The following DPYS variants were observed in gnomAD, a reference collection of about 807,000 sequenced individuals.
DPYS encodes dihydropyrimidinase.
Under a neutral mutation model 50.3 loss-of-function variants are expected in DPYS, and 39 were observed. The observed-to-expected ratio is 0.78, with a 90% CI of 0.60 to 1.01. The LOEUF (loss-of-function observed/expected upper bound fraction) is 1.01. Among genes scored for constraint, DPYS ranks in the 50% least tolerant of loss-of-function variants. DPYS has a pLI of 0.00. For synonymous variants in DPYS, 245 were observed against 250.7 expected (o/e 0.98, Z 0.22); for missense variants, 659 against 680.9 (o/e 0.97, Z 0.36).
chr8:104,387,560 A>G (rs962601729), intron 8 of DPYS, among the ~76,000 whole-genome samples: 3 of 152,206 alleles, frequency 2.0e-5, no homozygotes, highest in African/African-American at 7.2e-5. Flanking sequence ...CTGCAGTGAT[A>G]CAAGTTAAAG....
intron 1 of DPYS, among the ~76,000 whole-genome samples, chr8:104,466,012 G>A (rs1814371866): frequency 6.6e-6 from 1 of 151,092 alleles, no homozygotes; most frequent in Admixed American, 6.6e-5. Context: ...ATCATTTCTG[G>A]AATACTTTCT....
chr8:104,432,735 A>G (rs1055349423), intron 4 of DPYS, among the ~76,000 whole-genome samples: 9 of 152,160 alleles, frequency 5.9e-5, no homozygotes, highest in African/African-American at 2.2e-4. Context: ...CATTGTTCTT[A>G]GTCTGTTTTT....
At chr8:104,409,867 C>T (rs1812116114) in intron 7 of DPYS, among the ~76,000 whole-genome samples, 1 of 152,174 alleles carries the variant, frequency 6.6e-6, no homozygotes, top group African/African-American at 2.4e-5. Flanking sequence ...TGCCCAAGGT[C>T]CTGCAGCCAG....
chr8:104,411,917 T>A (rs996852239), intron 7 of DPYS: 3 of 152,080 alleles, frequency 2.0e-5, no homozygotes, highest in East Asian at 1.9e-4. Context: ...TAAAAAAAAA[T>A]ATCAATCTAT....
chr8:104,438,308 C>T (rs1294077219), intron 4 of DPYS, among the ~76,000 whole-genome samples: 3 of 152,178 alleles, frequency 2.0e-5, no homozygotes, highest in Non-Finnish European at 4.4e-5. Flanking sequence ...AGCTAGAACT[C>T]TTCATGATAT....
chr8:104,391,265 C>CA (rs75488392), intron 8 of DPYS, among the ~76,000 whole-genome samples: 9,670 of 151,832 alleles, frequency 0.064, 371 homozygotes, highest in African/African-American at 0.095. Flanking sequence ...TGAATTGAAT[C>CA]AAAAAAACAG....
At chr8:104,416,891 C>T (rs1281461934) in intron 7 of DPYS, among the ~76,000 whole-genome samples, 1 of 152,106 alleles carries the variant, frequency 6.6e-6, no homozygotes, top group Non-Finnish European at 1.5e-5. Flanking sequence ...CCCTACTACC[C>T]AAGGATGACA....
rs115907501 is a variant in DPYS at position 104,458,281 on chromosome 8, C to A, written c.265-6877G>T. Among the ~76,000 whole-genome samples, 586 of 152,322 alleles carry A rather than the reference C, an allele frequency of 3.8e-3. 5 individuals carry two copies. Among genetic ancestry groups the A allele is most frequent in the African/African-American group, 0.013 (546 of 41,560 alleles). On this transcript the variant is annotated intron_variant, in intron 1 of 9. Transcript: ENST00000351513. The stretch of plus-strand genomic sequence containing the variant: ...CAATTGTTGCCCAACCCATAAGGTC[C>A]TGCATGACCTGAACTTTAGCTTTCT...
chr8:104,412,773 G>A (rs1812228685), intron 7 of DPYS, among the ~76,000 whole-genome samples: 2 of 152,118 alleles, frequency 1.3e-5, no homozygotes, highest in Admixed American at 1.3e-4. Flanking sequence ...AAAGACAACT[G>A]GGGCAAAAAG....
intron 1 of DPYS, among the ~76,000 whole-genome samples, chr8:104,456,605 G>T (rs1813934072): frequency 6.6e-6 from 1 of 152,210 alleles, no homozygotes. Context: ...GAATGGGAAA[G>T]GATGGCTGGG....
chr8:104,466,869 C>A lies in DPYS; in HGVS notation c.52G>T (p.Asp18Tyr). ...LIRGGRVVND[D>Y]FSEVADVLVE... ...AGCACGTCGGCCACCTCCGAGAAGT[C>A]ATCGTTGACCACGCGACCCCCGCGG... The change falls in exon 1 of 10, where the codon GAC (aspartate) becomes TAC (tyrosine). Residue 18 changes from aspartate (D) to tyrosine (Y), a missense_variant. Coordinates refer to ENST00000351513, the MANE Select transcript of DPYS (RefSeq NM_001385.3). 1.3e-6 allele frequency: 2 copies of A among 1,521,260 alleles called. No homozygotes were observed. The highest frequency in any genetic ancestry group is 2.4e-5 in the South Asian group (2 of 82,242). The allele number at this position is 1,521,260 out of a possible 1,614,324, so 94.2% of individuals were successfully genotyped here.
At chr8:104,406,633 G>C (rs1453270957) in intron 7 of DPYS, among the ~76,000 whole-genome samples, 1 of 152,096 alleles carries the variant, frequency 6.6e-6, no homozygotes, top group Admixed American at 6.5e-5. Context: ...CCTGGTCCTT[G>C]CTCTTCCCAC....
At position 104,429,478 on chromosome 8, in the gene DPYS, G is replaced by A. The variant is rs533608969; in HGVS notation, c.950+67C>T. 4.0e-5 allele frequency: 64 copies of A among 1,600,314 alleles called. No individual in the cohort carries two copies. In the South Asian group the frequency reaches 6.3e-4, roughly 16 times the overall value. ...GGTTAGTGGAGGATCCAGATGGGAG[G>A]ACGAGCTCCCTTCTACCCAAACCTT... On this transcript the variant is annotated intron_variant, in intron 5 of 9. Coordinates refer to ENST00000351513, the MANE Select transcript of DPYS (RefSeq NM_001385.3).
chr8:104,462,286 C>G (rs1814199090), intron 1 of DPYS, among the ~76,000 whole-genome samples: 1 of 152,154 alleles, frequency 6.6e-6, no homozygotes, highest in Non-Finnish European at 1.5e-5. Context: ...CAGCCGGGAG[C>G]TCTGGCAAGC....
chr8:104,395,236 C>A (rs1303122795), intron 7 of DPYS, among the ~76,000 whole-genome samples: 1 of 152,184 alleles, frequency 6.6e-6, no homozygotes, highest in Non-Finnish European at 1.5e-5. Context: ...AAGGCTCAAG[C>A]AATCCACCCA....
In DPYS at chr8:104,447,484, A is replaced by G. The variant is rs749612777; in HGVS notation, c.443T>C (p.Ile148Thr). 6.2e-7 allele frequency: 1 copy of G among 1,614,174 alleles called. No individual in the cohort carries two copies. The highest frequency in any genetic ancestry group is 1.1e-5 in the South Asian group (1 of 91,082). Reference protein sequence around the residue: ...WSDQVKEEMKILVQDKGVNSF... With the variant: ...WSDQVKEEMKTLVQDKGVNSF... Reference sequence around the variant, plus strand: ...GTTAACACCTTTATCTTGCACAAGGATTTTCATTTCTTCTTTAACCTAAAA... The same window carrying G: ...GTTAACACCTTTATCTTGCACAAGGGTTTTCATTTCTTCTTTAACCTAAAA... The change falls in exon 3 of 10, where the codon ATC (isoleucine) becomes ACC (threonine). Residue 148 changes from isoleucine (I) to threonine (T), a missense_variant. Ile to Thr is a moderately conservative substitution (Grantham distance 89). Coordinates refer to ENST00000351513, the MANE Select transcript of DPYS (RefSeq NM_001385.3).
At chr8:104,458,958 A>AT (rs1329863167) in intron 1 of DPYS, among the ~76,000 whole-genome samples, 2 of 152,156 alleles carry the variant, frequency 1.3e-5, no homozygotes, top group Non-Finnish European at 2.9e-5. Context: ...AAATGATTAC[A>AT]TTTTGTTTTA....
chr8:104,446,127 C>T (rs1221936277), intron 3 of DPYS, among the ~76,000 whole-genome samples: 1 of 152,070 alleles, frequency 6.6e-6, no homozygotes, highest in Admixed American at 6.6e-5. Flanking sequence ...TTGTTTGTAA[C>T]ACAAAGGGTA....
chr8:104,408,915 A>G (rs1812085135), intron 7 of DPYS, among the ~76,000 whole-genome samples: 1 of 151,632 alleles, frequency 6.6e-6, no homozygotes, highest in Non-Finnish European at 1.5e-5. Context: ...CCAGGTTTAA[A>G]TGATTCTCCT....
Sources: gnomAD v4.1 joint callset for allele counts (sites outside exome capture counted in the v4.1 genomes callset) on GRCh38, gnomAD v4.1.1 for gene constraint, MANE v1.5 for transcripts, NCBI Gene and HGNC (gene_info 2026-07-23, HGNC 2026-07-21) for gene names.